Variants in GRK4 observed in about 807,000 individuals in gnomAD.
GRK4 encodes G protein-coupled receptor kinase 4.
In GRK4, 73 loss-of-function variants were observed where a neutral mutation model predicts 77.9. The observed-to-expected ratio is 0.94, with a 90% confidence interval of 0.78 to 1.14. The LOEUF is 1.14. GRK4 is among the 50% of genes most tolerant of loss of function. The pLI is 0.00. For synonymous variants in GRK4, 257 were observed against 254.4 expected (o/e 1.01, Z -0.10); for missense variants, 729 against 700.2 (o/e 1.04, Z -0.46).
intron 1 of GRK4, chr4:2,966,891 C>G (rs1368478143): frequency 1.3e-5 from 2 of 152,122 alleles, no homozygotes; most frequent in Non-Finnish European, 2.9e-5. Flanking sequence ...CAGTCTCAAT[C>G]CCCCCTCCCT....
chr4:3,007,665 T>C, intron 5 of GRK4, 71 bp from the exon 6 acceptor site: 1 of 872,180 alleles, frequency 1.1e-6, no homozygotes, highest in South Asian at 1.8e-5. Context: ...TGCCTATTAA[T>C]GCACTAAAAC....
At chr4:3,027,543 A>G (rs1737915905) in intron 10 of GRK4, among the ~76,000 whole-genome samples, 1 of 152,222 alleles carries the variant, frequency 6.6e-6, no homozygotes, top group Admixed American at 6.5e-5. Context: ...ACTCTGACAG[A>G]AAGTATTTAT....
In GRK4 at chr4:2,963,631, G is replaced by A. The variant is rs1716406909; in HGVS notation, c.-440G>A. Reference sequence around the variant, plus strand: ...TCTTCAGCTAAGCCGTTAGCGCCGAGCCCGCCCGGGAGCGGGTCGCCGGCC... The same window carrying A: ...TCTTCAGCTAAGCCGTTAGCGCCGAACCCGCCCGGGAGCGGGTCGCCGGCC... On this transcript the variant is annotated 5_prime_UTR_variant, in exon 1 of 16. Coordinates refer to ENST00000398052, the MANE Select transcript of GRK4 (RefSeq NM_182982.3). The A allele has an allele frequency of 7.7e-6, 3 of 389,574 alleles. No homozygotes were observed. Among genetic ancestry groups the A allele is most frequent in the African/African-American group, 2.1e-5 (1 of 47,236 alleles). 24.1% of individuals were successfully genotyped at this position (389,574 alleles called of 1,614,324 possible). A position where few individuals can be genotyped will look rare whatever the true frequency, so the allele number is the denominator to read the frequency against.
At chr4:2,965,804 GT>G in intron 1 of GRK4, 1 of 307,472 alleles carries the variant, frequency 3.3e-6, no homozygotes, top group Non-Finnish European at 6.3e-6. Context: ...TAATCAGGGA[GT>G]CCCAGAGCAG....
At chr4:2,992,065 A>G (rs1286826097) in intron 3 of GRK4, 150 bp from the exon 4 acceptor site, 2 of 413,166 alleles carry the variant, frequency 4.8e-6, no homozygotes, top group Non-Finnish European at 8.8e-6. Context: ...TTTTTAAGAG[A>G]TGGGATCTCG....
At position 3,022,452 on chromosome 4, in the gene GRK4, G is replaced by A; in HGVS notation, c.970+1G>A. ...GAGAATATTCTCCTTGATGATCGTG[G>A]TAAGTGGGCAAGCCTTTCACATCTA... On this transcript the variant is annotated splice_donor_variant, in intron 10 of 15. Transcript: ENST00000398052. LOFTEE classifies it high-confidence loss of function. 6.2e-7 allele frequency: 1 copy of A among 1,613,924 alleles called. No individual in the cohort carries two copies. Among genetic ancestry groups the A allele is most frequent in the Non-Finnish European group, 8.5e-7 (1 of 1,179,894 alleles).
intron 4 of GRK4, among the ~76,000 whole-genome samples, chr4:2,999,019 C>T (rs1325280321): frequency 1.3e-5 from 2 of 152,174 alleles, no homozygotes; most frequent in Admixed American, 6.5e-5. Context: ...GGTAGACATA[C>T]AGCAGTCAAT....
intron 10 of GRK4, 134 bp from the exon 11 acceptor site, chr4:3,027,772 TTTTACG>T: frequency 1.6e-6 from 1 of 614,380 alleles, no homozygotes; most frequent in Non-Finnish European, 2.8e-6. Context: ...TTAAATGCCA[TTTTACG>T]TTTACTGTTC....
At chr4:2,997,119 C>G (rs1228657596) in intron 4 of GRK4, among the ~76,000 whole-genome samples, 1 of 152,160 alleles carries the variant, frequency 6.6e-6, no homozygotes, top group Non-Finnish European at 1.5e-5. Context: ...TCTTGCATTT[C>G]TTTATCCAGT....
chr4:2,967,441 C>T (rs1045772453), intron 1 of GRK4, among the ~76,000 whole-genome samples: 1 of 152,226 alleles, frequency 6.6e-6, no homozygotes, highest in Admixed American at 6.5e-5. Flanking sequence ...CACTCTGTCA[C>T]CCAGGCTGGA....
intron 1 of GRK4, among the ~76,000 whole-genome samples, chr4:2,984,157 C>T (rs1473699261): frequency 6.6e-6 from 1 of 152,148 alleles, no homozygotes; most frequent in Non-Finnish European, 1.5e-5. Context: ...CCATCATATG[C>T]CTAGTGCTTT....
At chr4:2,970,106 A>C (rs1183196948) in intron 1 of GRK4, among the ~76,000 whole-genome samples, 1 of 152,218 alleles carries the variant, frequency 6.6e-6, no homozygotes, top group Non-Finnish European at 1.5e-5. Flanking sequence ...CTCTGCCAAC[A>C]AAAGGTTACC....
At chr4:2,993,072 G>A (rs992769865) in intron 4 of GRK4, among the ~76,000 whole-genome samples, 2 of 152,120 alleles carry the variant, frequency 1.3e-5, no homozygotes, top group African/African-American at 4.8e-5. Context: ...TTGATGTCAT[G>A]AGGAAACTAA....
At chr4:2,982,753 T>G (rs865964518) in intron 1 of GRK4, among the ~76,000 whole-genome samples, 7 of 152,344 alleles carry the variant, frequency 4.6e-5, no homozygotes, top group Middle Eastern at 3.4e-3. Flanking sequence ...ATAGCCTTTT[T>G]TCAGTGCCTA....
At chr4:3,027,764 A>C in intron 10 of GRK4, 148 bp from the exon 11 acceptor site, 3 of 597,258 alleles carry the variant, frequency 5.0e-6, no homozygotes, top group Non-Finnish European at 8.6e-6. Flanking sequence ...TGAAAAAGTT[A>C]AATGCCATTT....
rs1177118391 is a variant in GRK4, at chr4:2,963,786, C to T, written c.-285C>T. 25 of 514,186 alleles carry T rather than the reference C, an allele frequency of 4.9e-5. No homozygotes were observed. The East Asian group carries it at 8.6e-4, about 18-fold the overall frequency. 31.9% of individuals were successfully genotyped at this position (514,186 alleles called of 1,614,324 possible). ...CGAGGGCGATGGGGCCAAGAAGAAC[C>T]GGGGCGATAGCGCGGCAGCGGTGAC... On this transcript the variant is annotated 5_prime_UTR_variant, in exon 1 of 16. Coordinates refer to ENST00000398052, the MANE Select transcript of GRK4 (RefSeq NM_182982.3).
At chr4:3,029,453 C>G (rs1244453489) in intron 12 of GRK4, 44 bp downstream of exon 12, 2 of 1,530,338 alleles carry the variant, frequency 1.3e-6, no homozygotes, top group South Asian at 2.3e-5. Context: ...ACTTCTCACT[C>G]ATTCTAGTTG....
chr4:3,037,398 G>A lies in GRK4; in HGVS notation c.1432G>A (p.Val478Ile), dbSNP rs1262498360. 6.2e-6 allele frequency: 10 copies of A among 1,607,156 alleles called. No homozygotes were observed. The highest frequency in any genetic ancestry group is 5.5e-5 in the South Asian group (5 of 90,786). ...GCCTCATGCCGTTTACTGTAAGGACGTCCTGGATATCGAGCAGTTCTCGGT... is the reference window on the plus strand; with the variant it reads ...GCCTCATGCCGTTTACTGTAAGGACATCCTGGATATCGAGCAGTTCTCGGT... ...PDPHAVYCKD[V>I]LDIEQFSVVK... Residue 478 changes from valine to isoleucine, a missense_variant, in exon 14 of 16, where the codon GTC (valine) becomes ATC (isoleucine). Physicochemically the swap from Val to Ile is conservative, Grantham distance 29. Transcript: ENST00000398052.
At position 3,037,461 on chromosome 4, in the gene GRK4, T is replaced by A; in HGVS notation, c.1495T>A (p.Phe499Ile). The A allele has an allele frequency of 6.2e-7, 1 of 1,611,596 alleles. No individual in the cohort carries two copies. Among genetic ancestry groups the A allele is most frequent in the East Asian group, 2.2e-5 (1 of 44,822 alleles). ...GIYLDTADED[F>I]YARFATGCVS... is the part of the protein sequence containing the mutation. ...CTACCTGGACACCGCAGATGAAGAC[T>A]TCTATGCTCGGTTTGCTACCGGGTG... is the stretch of plus-strand genomic sequence containing the variant. The change falls in exon 14 of 16, where the codon TTC becomes ATC. Residue 499 changes from phenylalanine to isoleucine, a missense_variant. By Grantham distance (21) the Phe-to-Ile change is conservative. Transcript: ENST00000398052.
Sources: allele counts gnomAD v4.1 joint callset (sites outside exome capture counted in the v4.1 genomes callset), GRCh38; gene constraint gnomAD v4.1.1; transcripts MANE v1.5; gene names NCBI Gene and HGNC (gene_info 2026-07-23, HGNC 2026-07-21).